RAPGEF2: variants seen among roughly 807,000 people sequenced by gnomAD.
RAPGEF2 encodes PDZ domain containing guanine nucleotide exchange factor (GEF) 1.
Under a neutral mutation model 186.7 loss-of-function variants are expected in RAPGEF2, and 54 were observed. That is an observed-to-expected ratio of 0.29 (90% CI 0.23 to 0.36). The LOEUF (loss-of-function observed/expected upper bound fraction) is 0.36. Among genes scored for constraint, RAPGEF2 ranks in the 10% least tolerant of loss-of-function variants. The pLI, the probability that RAPGEF2 is intolerant of heterozygous loss-of-function variation, is 1.00. For synonymous variants in RAPGEF2, 712 were observed against 705.9 expected, an observed-to-expected ratio of 1.01 and a Z score of -0.14; for missense variants, 1,532 against 2,045.0, an observed-to-expected ratio of 0.75 and a Z score of 4.84.
intron 7 of RAPGEF2, among the ~76,000 whole-genome samples, chr4:159,294,688 T>TTCCGTCCG (rs1227809955): frequency 6.7e-6 from 1 of 148,764 alleles, no homozygotes; most frequent in Non-Finnish European, 1.5e-5. Flanking sequence ...CCTTCCTTCC[T>TTCCGTCCG]TCTTTCCGTC....
intron 1 of RAPGEF2, among the ~76,000 whole-genome samples, chr4:159,135,430 A>G (rs1418754942): frequency 6.6e-6 from 1 of 152,136 alleles, no homozygotes; most frequent in Non-Finnish European, 1.5e-5. Flanking sequence ...GTTGATGAAC[A>G]TTTGGATTGT....
chr4:159,343,973 CT>C (rs1416182155), intron 22 of RAPGEF2, 62 bp from the exon 23 acceptor site: 2 of 1,494,550 alleles, frequency 1.3e-6, no homozygotes, highest in African/African-American at 2.8e-5. Context: ...TCTTTCTGAG[CT>C]TGTGATCTTT....
At chr4:159,357,046 A>C (rs1732133534) in intron 29 of RAPGEF2, among the ~76,000 whole-genome samples, 1 of 152,082 alleles carries the variant, frequency 6.6e-6, no homozygotes, top group Non-Finnish European at 1.5e-5. Flanking sequence ...ACTCATTTGG[A>C]AATGAAAGTC....
Position 159,310,847 on chromosome 4 carries a change from T to C in RAPGEF2, c.676-3744T>C, listed in dbSNP as rs573133455. 2.0e-5 allele frequency among the ~76,000 whole-genome samples: 3 copies of C among 152,268 alleles called. No homozygotes were observed. The South Asian group carries it at 6.2e-4, about 32-fold the overall frequency. On this transcript the variant is annotated intron_variant, in intron 8 of 29. Coordinates refer to ENST00000691494, the MANE Select transcript of RAPGEF2 (RefSeq NM_001394067.2). ...TTTAGAAAAAAAGGGTTTAAAGACA[T>C]GCGTGAGTCTTAGTAGTGTTGTTAT... is the stretch of plus-strand genomic sequence containing the variant.
At chr4:159,127,190 G>T (rs748603051) in intron 1 of RAPGEF2, among the ~76,000 whole-genome samples, 41 of 152,050 alleles carry the variant, frequency 2.7e-4, no homozygotes, top group Admixed American at 9.2e-4. Flanking sequence ...CCACACCAGG[G>T]TAATTTTTGT....
At chr4:159,120,789 G>C (rs1282498642) in intron 1 of RAPGEF2, among the ~76,000 whole-genome samples, 9 of 151,828 alleles carry the variant, frequency 5.9e-5, no homozygotes, top group Non-Finnish European at 1.3e-4. Context: ...ATGTCTATCA[G>C]TCCCACTAAG....
intron 4 of RAPGEF2, among the ~76,000 whole-genome samples, chr4:159,213,285 CCCAGAA>C: frequency 6.6e-6 from 1 of 152,260 alleles, no homozygotes; most frequent in South Asian, 2.1e-4. Flanking sequence ...TATTTCTCTT[CCCAGAA>C]AATATTGAGG....
At chr4:159,208,226 G>A (rs1480773176) in intron 3 of RAPGEF2, among the ~76,000 whole-genome samples, 1 of 152,200 alleles carries the variant, frequency 6.6e-6, no homozygotes, top group East Asian at 1.9e-4. Flanking sequence ...ACATTATTAA[G>A]TAATGTAATT....
At chr4:159,303,927 T>C (rs1762972632) in intron 7 of RAPGEF2, among the ~76,000 whole-genome samples, 2 of 152,306 alleles carry the variant, frequency 1.3e-5, no homozygotes, top group Middle Eastern at 3.4e-3. Context: ...CCTTTAAACA[T>C]TATTTGGGTA....
At chr4:159,220,134 G>A (rs1395967678) in intron 4 of RAPGEF2, among the ~76,000 whole-genome samples, 1 of 152,140 alleles carries the variant, frequency 6.6e-6, no homozygotes, top group Non-Finnish European at 1.5e-5. Flanking sequence ...GGAGACAATG[G>A]GGAAAGAAGA....
chr4:159,337,391 C>T (rs1434665286), intron 17 of RAPGEF2, among the ~76,000 whole-genome samples: 3 of 152,090 alleles, frequency 2.0e-5, no homozygotes, highest in Non-Finnish European at 4.4e-5. Context: ...TTTCATTTTA[C>T]CCAATTTCTT....
At chr4:159,125,575 G>A (rs1579247720) in intron 1 of RAPGEF2, among the ~76,000 whole-genome samples, 1 of 151,906 alleles carries the variant, frequency 6.6e-6, no homozygotes, top group Non-Finnish European at 1.5e-5. Context: ...TGGCTAACAC[G>A]GTGAAACCCC....
intron 1 of RAPGEF2, among the ~76,000 whole-genome samples, chr4:159,151,843 C>T (rs774079323): frequency 1.4e-4 from 22 of 151,874 alleles, no homozygotes; most frequent in Non-Finnish European, 2.1e-4. Context: ...AACAGTTGGG[C>T]GACATTGATG....
At chr4:159,334,950 TAAAG>T (rs957948938) in intron 17 of RAPGEF2, among the ~76,000 whole-genome samples, 6 of 147,558 alleles carry the variant, frequency 4.1e-5, no homozygotes, top group Non-Finnish European at 7.4e-5. Context: ...AAAAAATAAT[TAAAG>T]GAAGTTTCAC....
intron 8 of RAPGEF2, among the ~76,000 whole-genome samples, chr4:159,307,409 C>G (rs1763432044): frequency 6.6e-6 from 1 of 152,186 alleles, no homozygotes; most frequent in South Asian, 2.1e-4. Flanking sequence ...CACAAACACA[C>G]CATTTATTCT....
chr4:159,226,205 T>G (rs1752012370), intron 4 of RAPGEF2, among the ~76,000 whole-genome samples: 1 of 152,188 alleles, frequency 6.6e-6, no homozygotes, highest in Admixed American at 6.5e-5. Flanking sequence ...CTACAGATAT[T>G]CAGTTGTTCT....
chr4:159,225,512 T>C (rs1751943073), intron 4 of RAPGEF2, among the ~76,000 whole-genome samples: 1 of 152,132 alleles, frequency 6.6e-6, no homozygotes, highest in Non-Finnish European at 1.5e-5. Context: ...AGGGGTGAAA[T>C]TGATGGATAG....
chr4:159,213,689 A>G (rs932323563), intron 4 of RAPGEF2, among the ~76,000 whole-genome samples: 21 of 151,792 alleles, frequency 1.4e-4, no homozygotes, highest in African/African-American at 5.1e-4. Flanking sequence ...TGTTTTTGTT[A>G]TCTTCCTAGA....
intron 4 of RAPGEF2, among the ~76,000 whole-genome samples, chr4:159,225,355 G>A (rs1263098893): frequency 6.6e-6 from 1 of 152,162 alleles, no homozygotes; most frequent in Non-Finnish European, 1.5e-5. Context: ...TAAAATTACT[G>A]AATTTTGTAA....
Sources: allele counts gnomAD v4.1 joint callset (sites outside exome capture counted in the v4.1 genomes callset), GRCh38; gene constraint gnomAD v4.1.1; transcripts MANE v1.5; gene names NCBI Gene and HGNC (gene_info 2026-07-23, HGNC 2026-07-21).